Variants in WDPCP observed in about 807,000 individuals in gnomAD.
WDPCP encodes the protein WD repeat containing planar cell polarity effector.
A neutral mutation model predicts 93.1 loss-of-function variants in WDPCP; 71 were observed. The observed-to-expected ratio is 0.76, with a 90% CI of 0.63 to 0.93. The LOEUF (loss-of-function observed/expected upper bound fraction) is 0.93, where lower values mean the gene tolerates loss of function less well. Ranked by LOEUF, WDPCP falls within the 40% of genes least tolerant of loss-of-function variation. WDPCP has a pLI of 0.00. For synonymous variants in WDPCP, 315 were observed against 315.0 expected (o/e 1.00, Z 0.00); for missense variants, 844 against 887.4 (o/e 0.95, Z 0.62).
intron 1 of WDPCP, among the ~76,000 whole-genome samples, chr2:63,514,136 T>A (rs956384105): frequency 2.6e-5 from 4 of 152,212 alleles, no homozygotes; most frequent in African/African-American, 9.6e-5. Context: ...CCAGAAGAAA[T>A]AACTGAAGAA....
At chr2:63,346,664 A>G (rs1689216147) in intron 12 of WDPCP, among the ~76,000 whole-genome samples, 1 of 152,156 alleles carries the variant, frequency 6.6e-6, no homozygotes, top group Non-Finnish European at 1.5e-5. Context: ...GAGTTCAGCC[A>G]AAGACTCAAG....
intron 1 of WDPCP, among the ~76,000 whole-genome samples, chr2:63,530,485 A>G (rs1011036349): frequency 5.9e-5 from 9 of 151,914 alleles, no homozygotes; most frequent in African/African-American, 2.2e-4. Flanking sequence ...GGGTTTCTTA[A>G]GCTTGGAGTT....
chr2:63,583,006 T>C (rs562027828), intron 1 of WDPCP, among the ~76,000 whole-genome samples: 4 of 152,286 alleles, frequency 2.6e-5, no homozygotes, highest in African/African-American at 9.6e-5. Context: ...AGTAACCATA[T>C]TGATGAATAT....
intron 12 of WDPCP, among the ~76,000 whole-genome samples, chr2:63,322,528 C>T (rs1235105772): frequency 6.6e-6 from 1 of 152,112 alleles, no homozygotes; most frequent in African/African-American, 2.4e-5. Flanking sequence ...GAAGAAACAC[C>T]TCCAGATGTG....
At chr2:63,512,130 A>G (rs1402563009) in intron 1 of WDPCP, among the ~76,000 whole-genome samples, 1 of 152,160 alleles carries the variant, frequency 6.6e-6, no homozygotes, top group Admixed American at 6.5e-5. Flanking sequence ...GCCAACAAAC[A>G]TATGAAAAAA....
intron 12 of WDPCP, among the ~76,000 whole-genome samples, chr2:63,367,401 T>C (rs1300104058): frequency 6.6e-6 from 1 of 152,112 alleles, no homozygotes; most frequent in Non-Finnish European, 1.5e-5. Context: ...TTAAAATGTA[T>C]ACACACTTCT....
chr2:63,247,000 C>G (rs1680327579), intron 14 of WDPCP, among the ~76,000 whole-genome samples: 2 of 152,128 alleles, frequency 1.3e-5, no homozygotes, highest in African/African-American at 4.8e-5. Flanking sequence ...TATTGAAAGA[C>G]TAGAGCAGCA....
intron 2 of WDPCP, chr2:63,684,345 C>T (rs1227922949): frequency 1.5e-6 from 1 of 674,022 alleles, no homozygotes; most frequent in Non-Finnish European, 2.8e-6. Context: ...GTCGCTTGTC[C>T]TGGCTGGACA....
chr2:63,312,220 T>C (rs954301314), intron 13 of WDPCP, among the ~76,000 whole-genome samples: 1 of 152,188 alleles, frequency 6.6e-6, no homozygotes, highest in Non-Finnish European at 1.5e-5. Context: ...GACATACATT[T>C]AGAATTTAAA....
chr2:63,410,873 G>T (rs889163363), intron 9 of WDPCP, among the ~76,000 whole-genome samples: 24 of 152,062 alleles, frequency 1.6e-4, no homozygotes, highest in Admixed American at 2.0e-4. Flanking sequence ...ACCTAACACT[G>T]GAGCTCTCAA....
chr2:63,652,619 T>G (rs557678555), intron 2 of WDPCP, among the ~76,000 whole-genome samples: 2 of 152,322 alleles, frequency 1.3e-5, no homozygotes, highest in East Asian at 1.9e-4. Context: ...TGATCACTTC[T>G]AAAATGTTTT....
In WDPCP at chr2:63,703,997, C is replaced by T. The variant is rs188331686; in HGVS notation, n.309-53159G>A. Among the ~76,000 whole-genome samples the T allele has an allele frequency of 9.4e-3, 1,438 of 152,182 alleles. 9 individuals are homozygous for T. The highest frequency in any genetic ancestry group is 0.014 in the Non-Finnish European group (964 of 68,016). On this transcript the variant is annotated intron_variant and non_coding_transcript_variant, in intron 2 of 4. Transcript: ENST00000467687. Reference sequence around the variant, plus strand: ...TCATTGAGCAGTGGTTTGTAGTGCTCCTTGAAGAGGTCCTTCATGTCCCTT... The same window carrying T: ...TCATTGAGCAGTGGTTTGTAGTGCTTCTTGAAGAGGTCCTTCATGTCCCTT...
upstream of WDPCP, chr2:63,588,487 G>A: frequency 1.5e-6 from 1 of 646,916 alleles, no homozygotes; most frequent in Non-Finnish European, 2.8e-6. Context: ...CAATTCCCCC[G>A]CCCCTCCAGA....
At chr2:63,752,583 C>T in intron 2 of WDPCP, 1 of 610,738 alleles carries the variant, frequency 1.6e-6, no homozygotes, top group Non-Finnish European at 2.9e-6. Flanking sequence ...CTCAGCCTTC[C>T]AGTGAAGAGC....
Position 63,433,747 on chromosome 2 carries a change from CTA to C in WDPCP, c.821_822del (p.Leu274ArgfsTer41). On this transcript the variant is annotated frameshift_variant, in exon 9 of 18. Coordinates refer to ENST00000272321, the MANE Select transcript of WDPCP (RefSeq NM_015910.7). LOFTEE classifies it high-confidence loss of function. ...LLLLGYAQGR[L>X]EVLSSVRTEW... ...GTACATATTTGTTTTAGATTTACCTCTAGTCTTCCTTGAGCATAACCCAGGAG... is the reference window on the plus strand; with the variant it reads ...GTACATATTTGTTTTAGATTTACCTCGTCTTCCTTGAGCATAACCCAGGAG... 6.2e-7 allele frequency: 1 copy of C among 1,611,624 alleles called. No homozygotes were observed. The highest frequency in any genetic ancestry group is 8.5e-7 in the Non-Finnish European group (1 of 1,178,598).
intron 3 of WDPCP, among the ~76,000 whole-genome samples, chr2:63,616,370 T>C (rs982920230): frequency 6.6e-6 from 1 of 151,996 alleles, no homozygotes. Flanking sequence ...TAAAACAAAC[T>C]GGGGGAATTA....
chr2:63,718,736 T>C (rs1270210166), intron 2 of WDPCP, among the ~76,000 whole-genome samples: 1 of 152,162 alleles, frequency 6.6e-6, no homozygotes, highest in African/African-American at 2.4e-5. Flanking sequence ...TTGTGCTTTG[T>C]AGAAGTCTGT....
intron 2 of WDPCP, among the ~76,000 whole-genome samples, chr2:63,739,634 T>C (rs986753604): frequency 1.3e-5 from 2 of 151,956 alleles, no homozygotes; most frequent in African/African-American, 2.4e-5. Context: ...AATCAAACTT[T>C]TGTGGAAAGC....
intron 14 of WDPCP, among the ~76,000 whole-genome samples, chr2:63,213,663 C>A (rs1429877434): frequency 6.6e-6 from 1 of 151,978 alleles, no homozygotes; most frequent in East Asian, 1.9e-4. Flanking sequence ...AAAAACCCTT[C>A]AAAAAATCAA....
Sources: gnomAD v4.1 joint callset for allele counts (sites outside exome capture counted in the v4.1 genomes callset) on GRCh38, gnomAD v4.1.1 for gene constraint, MANE v1.5 for transcripts, NCBI Gene and HGNC (gene_info 2026-07-23, HGNC 2026-07-21) for gene names.